DEPTOR: variants seen among roughly 807,000 people sequenced by gnomAD.
DEPTOR encodes DEP domain containing MTOR interacting protein.
Under a neutral mutation model 41.6 loss-of-function variants are expected in DEPTOR, and 41 were observed. The ratio of observed to expected loss-of-function variants is 0.98; its 90% CI spans 0.77 to 1.28. The LOEUF (loss-of-function observed/expected upper bound fraction) is 1.28. Ranked by LOEUF, DEPTOR falls within the 50% of genes most tolerant of loss-of-function variation. The probability of loss-of-function intolerance (pLI) is 0.00; values close to 1 mark genes in which losing one functional copy is unlikely to be tolerated. For missense variants in DEPTOR, 514 were observed against 527.9 expected, an observed-to-expected ratio of 0.97 and a Z score of 0.26; for synonymous variants, 195 against 192.3, an observed-to-expected ratio of 1.01 and a Z score of -0.12.
chr8:119,997,303 C>A (rs191189950), intron 4 of DEPTOR, among the ~76,000 whole-genome samples: 5 of 152,004 alleles, frequency 3.3e-5, no homozygotes, highest in African/African-American at 1.2e-4. Flanking sequence ...GGTGTGATCA[C>A]GGCTCAGTGC....
At chr8:119,910,188 C>G (rs1827719329) in intron 1 of DEPTOR, among the ~76,000 whole-genome samples, 1 of 152,156 alleles carries the variant, frequency 6.6e-6, no homozygotes, top group African/African-American at 2.4e-5. Context: ...AAATTTGACT[C>G]TAAGTATATA....
chr8:119,906,427 G>A (rs1253948151), intron 1 of DEPTOR, among the ~76,000 whole-genome samples: 1 of 151,916 alleles, frequency 6.6e-6, no homozygotes, highest in Non-Finnish European at 1.5e-5. Context: ...CTGCACTCCA[G>A]CCTGAGTGAC....
intron 3 of DEPTOR, among the ~76,000 whole-genome samples, chr8:119,934,143 A>T (rs181254424): frequency 1.3e-4 from 20 of 152,128 alleles, no homozygotes; most frequent in Non-Finnish European, 1.5e-4. Flanking sequence ...GGACTCCCAA[A>T]GTGTTGGGAT....
At chr8:119,916,042 C>T (rs1827808294) in intron 1 of DEPTOR, among the ~76,000 whole-genome samples, 1 of 151,564 alleles carries the variant, frequency 6.6e-6, no homozygotes, top group Admixed American at 6.6e-5. Flanking sequence ...TCTCAATAAC[C>T]CTATGAGACA....
At chr8:120,010,097 G>A (rs1812507905) in intron 8 of DEPTOR, among the ~76,000 whole-genome samples, 1 of 152,072 alleles carries the variant, frequency 6.6e-6, no homozygotes, top group Non-Finnish European at 1.5e-5. Context: ...CTAGATCTCG[G>A]TCCTGTTAGC....
intron 1 of DEPTOR, among the ~76,000 whole-genome samples, chr8:119,890,116 CG>C (rs1563957953): frequency 6.6e-6 from 1 of 151,948 alleles, no homozygotes; most frequent in African/African-American, 2.4e-5. Context: ...GGGCATGGGC[CG>C]CTACACCCAG....
intron 1 of DEPTOR, among the ~76,000 whole-genome samples, chr8:119,881,537 A>AT (rs922128913): frequency 2.1e-5 from 3 of 142,988 alleles, no homozygotes; most frequent in African/African-American, 5.6e-5. Context: ...AAAAATAATA[A>AT]AAAAAAAAAA....
At position 119,928,587 on chromosome 8, in the gene DEPTOR, G is replaced by A. The variant is rs368372088; in HGVS notation, c.301+9G>A. Reference sequence around the variant, plus strand: ...GGGCATTATTCACCATGGTGAGTGCGGTGGCGAGTCAAGGTGACTTGAGAG... The same window carrying A: ...GGGCATTATTCACCATGGTGAGTGCAGTGGCGAGTCAAGGTGACTTGAGAG... On this transcript the variant is annotated intron_variant, in intron 2 of 8. Coordinates refer to ENST00000286234, the MANE Select transcript of DEPTOR (RefSeq NM_022783.4). The A allele has an allele frequency of 1.7e-5, 28 of 1,611,132 alleles. No homozygotes were observed. Among genetic ancestry groups the A allele is most frequent in the Admixed American group, 1.3e-4 (8 of 59,516 alleles).
At chr8:119,926,231 C>T (rs1827962154) in intron 1 of DEPTOR, among the ~76,000 whole-genome samples, 1 of 152,128 alleles carries the variant, frequency 6.6e-6, no homozygotes, top group Non-Finnish European at 1.5e-5. Flanking sequence ...CCTAGTCTGG[C>T]TCCAAGCACA....
intron 1 of DEPTOR, among the ~76,000 whole-genome samples, chr8:119,911,376 T>C (rs1827734783): frequency 7.0e-6 from 1 of 143,692 alleles, no homozygotes; most frequent in Non-Finnish European, 1.5e-5. Context: ...TGGAGTGCAA[T>C]GGCGTGATCT....
At chr8:119,988,577 G>A (rs1828858589) in intron 4 of DEPTOR, among the ~76,000 whole-genome samples, 1 of 152,096 alleles carries the variant, frequency 6.6e-6, no homozygotes, top group South Asian at 2.1e-4. Context: ...CTGCCTCCTA[G>A]GTTCAAGTGA....
intron 3 of DEPTOR, among the ~76,000 whole-genome samples, chr8:119,943,580 G>A (rs891247253): frequency 6.6e-6 from 1 of 152,052 alleles, no homozygotes; most frequent in Non-Finnish European, 1.5e-5. Context: ...ATTACAATTC[G>A]AGGTGAGTTT....
chr8:119,911,058 C>T (rs76539987), intron 1 of DEPTOR, among the ~76,000 whole-genome samples: 33,313 of 151,896 alleles, frequency 0.22, 4,200 homozygotes, highest in African/African-American at 0.34. Context: ...GAGCTGCCTC[C>T]ACCCATTGCC....
intron 4 of DEPTOR, among the ~76,000 whole-genome samples, chr8:119,975,875 T>C (rs1828691141): frequency 9.2e-5 from 2 of 21,810 alleles, no homozygotes; most frequent in African/African-American, 2.5e-4. Context: ...TGCTCCTTTT[T>C]TTTTTTTTTT....
intron 4 of DEPTOR, among the ~76,000 whole-genome samples, chr8:119,992,334 T>G (rs1812185741): frequency 6.6e-6 from 1 of 152,182 alleles, no homozygotes; most frequent in African/African-American, 2.4e-5. Flanking sequence ...TGACACTGGT[T>G]TGCAGTTAGC....
At chr8:119,939,672 G>C (rs1443001676) in intron 3 of DEPTOR, among the ~76,000 whole-genome samples, 2 of 151,994 alleles carry the variant, frequency 1.3e-5, no homozygotes, top group Non-Finnish European at 2.9e-5. Flanking sequence ...GTGGGGTTTT[G>C]CCATGTTGGC....
chr8:119,972,876 C>T (rs1014588368), intron 4 of DEPTOR, among the ~76,000 whole-genome samples: 1 of 152,154 alleles, frequency 6.6e-6, no homozygotes, highest in Non-Finnish European at 1.5e-5. Flanking sequence ...TATTCTCTTC[C>T]TCCAAACAAT....
At chr8:119,964,515 CAAAAAAAAAAAAAAAAAAAA>C (rs536731714) in intron 3 of DEPTOR, among the ~76,000 whole-genome samples, 2 of 121,688 alleles carry the variant, frequency 1.6e-5, no homozygotes, top group Non-Finnish European at 1.7e-5. Context: ...AAGCCCGTCT[CAAAAAAAAAAAAAAAAAAAA>C]AAAAAAAAAA....
intron 1 of DEPTOR, among the ~76,000 whole-genome samples, chr8:119,877,163 T>C (rs1243217658): frequency 1.3e-5 from 2 of 152,346 alleles, no homozygotes; most frequent in African/African-American, 4.8e-5. Context: ...AGGAGCTCTG[T>C]GAGGATTAAA....
Sources: allele counts gnomAD v4.1 joint callset (sites outside exome capture counted in the v4.1 genomes callset), GRCh38; gene constraint gnomAD v4.1.1; transcripts MANE v1.5; gene names NCBI Gene and HGNC (gene_info 2026-07-23, HGNC 2026-07-21).